The following PDLIM5 variants were observed in gnomAD, a reference collection of about 807,000 sequenced individuals.
The protein encoded by PDLIM5 is PDZ and LIM domain 5.
Under a neutral mutation model 64.2 loss-of-function variants are expected in PDLIM5, and 34 were observed. The observed-to-expected ratio is 0.53, with a 90% CI of 0.40 to 0.71. PDLIM5 has a LOEUF of 0.71. Ranked by LOEUF, PDLIM5 falls within the 30% of genes least tolerant of loss-of-function variation. The probability of loss-of-function intolerance (pLI) is 0.00; values close to 1 mark genes in which losing one functional copy is unlikely to be tolerated. For missense variants in PDLIM5, 683 were observed against 733.6 expected, an observed-to-expected ratio of 0.93 and a Z score of 0.80; for synonymous variants, 253 against 269.1, an observed-to-expected ratio of 0.94 and a Z score of 0.59.
intron 8 of PDLIM5, among the ~76,000 whole-genome samples, chr4:94,636,114 TA>T (rs1740537523): frequency 6.6e-6 from 1 of 152,210 alleles, no homozygotes; most frequent in African/African-American, 2.4e-5. Flanking sequence ...TCATGCTAAA[TA>T]AGTTAGTTCC....
At chr4:94,493,791 G>A (rs928965560) in intron 2 of PDLIM5, among the ~76,000 whole-genome samples, 1 of 152,120 alleles carries the variant, frequency 6.6e-6, no homozygotes, top group Non-Finnish European at 1.5e-5. Flanking sequence ...GAGCATTTAA[G>A]AGTCAGAAAA....
chr4:94,458,295 G>T (rs1422574628), intron 2 of PDLIM5, among the ~76,000 whole-genome samples: 1 of 152,052 alleles, frequency 6.6e-6, no homozygotes, highest in African/African-American at 2.4e-5. Flanking sequence ...AAACCTGAAA[G>T]CATGCTTAAA....
chr4:94,620,508 G>T (rs1578484355), intron 8 of PDLIM5, among the ~76,000 whole-genome samples: 1 of 151,906 alleles, frequency 6.6e-6, no homozygotes, highest in South Asian at 2.1e-4. Context: ...CTACACTCCA[G>T]CCTGGGCAAC....
At chr4:94,605,650 T>C (rs1737849293) in intron 7 of PDLIM5, among the ~76,000 whole-genome samples, 1 of 152,196 alleles carries the variant, frequency 6.6e-6, no homozygotes, top group South Asian at 2.1e-4. Flanking sequence ...GTCAGGTTTT[T>C]AGAGTTTGGC....
intron 2 of PDLIM5, chr4:94,457,119 C>A: frequency 2.2e-6 from 2 of 911,460 alleles, no homozygotes; most frequent in Non-Finnish European, 2.6e-6. Flanking sequence ...TATCCAACTT[C>A]ATTTTGAAAG....
rs760235753 is a variant in PDLIM5, at chr4:94,668,183, T to C, written c.*4116T>C. Reference sequence around the variant, plus strand: ...AATCAGTATAGTAATAATACCATAATGTGCACATACTCAATAAATAAATGA... The same window carrying C: ...AATCAGTATAGTAATAATACCATAACGTGCACATACTCAATAAATAAATGA... On this transcript the variant is annotated 3_prime_UTR_variant, in exon 13 of 13. Coordinates refer to ENST00000317968, the MANE Select transcript of PDLIM5 (RefSeq NM_006457.5). The C allele has an allele frequency of 7.9e-5, 12 of 152,184 alleles. No individual in the cohort carries two copies. Among genetic ancestry groups the C allele is most frequent in the Non-Finnish European group, 1.8e-4 (12 of 68,016 alleles). 9.4% of individuals were successfully genotyped at this position (152,184 alleles called of 1,614,324 possible). A position where few individuals can be genotyped will look rare whatever the true frequency, so the allele number is the denominator to read the frequency against.
chr4:94,488,697 T>A (rs573270655), intron 2 of PDLIM5, among the ~76,000 whole-genome samples: 1 of 152,340 alleles, frequency 6.6e-6, no homozygotes, highest in South Asian at 2.1e-4. Flanking sequence ...CACTTACACA[T>A]TTTAAAGTGT....
intron 2 of PDLIM5, among the ~76,000 whole-genome samples, chr4:94,505,301 C>T (rs1728292833): frequency 6.6e-6 from 1 of 152,102 alleles, no homozygotes; most frequent in African/African-American, 2.4e-5. Context: ...CTCCATCACC[C>T]AGGCTGGAGT....
At chr4:94,547,615 G>A (rs766110929) in intron 3 of PDLIM5, among the ~76,000 whole-genome samples, 17 of 152,232 alleles carry the variant, frequency 1.1e-4, no homozygotes, top group South Asian at 2.1e-4. Context: ...TGGGGATTAG[G>A]ACAGGGACAT....
chr4:94,575,793 A>G lies in PDLIM5; in HGVS notation c.469A>G (p.Thr157Ala). 6.2e-7 allele frequency: 1 copy of G among 1,613,740 alleles called. No homozygotes were observed. The highest frequency in any genetic ancestry group is 8.5e-7 in the Non-Finnish European group (1 of 1,179,900). ...SSAFTPAHAT[T>A]SSHASPSPVA... is the part of the protein sequence containing the mutation. ...TGCCTTCACCCCAGCCCATGCGACC[A>G]CCTCATCACATGCTTCCCCTTCACC... The change falls in exon 5 of 13, where the codon ACC becomes GCC. Residue 157 changes from threonine to alanine, a missense_variant. Thr to Ala is a moderately conservative substitution (Grantham distance 58, BLOSUM62 0). Transcript: ENST00000317968.
chr4:94,548,114 C>A (rs1466045904), intron 3 of PDLIM5, among the ~76,000 whole-genome samples: 1 of 152,128 alleles, frequency 6.6e-6, no homozygotes, highest in African/African-American at 2.4e-5. Context: ...TTTCTTGATG[C>A]CAACTGTACT....
chr4:94,499,949 C>G (rs948051966), intron 2 of PDLIM5, among the ~76,000 whole-genome samples: 1 of 152,166 alleles, frequency 6.6e-6, no homozygotes, highest in South Asian at 2.1e-4. Context: ...CTCCCCTCCC[C>G]CTGACCCACC....
intron 3 of PDLIM5, among the ~76,000 whole-genome samples, chr4:94,565,421 C>T (rs1734234106): frequency 1.3e-5 from 2 of 152,106 alleles, no homozygotes; most frequent in Admixed American, 6.5e-5. Context: ...GTATGCAGCC[C>T]CCTGTATCAT....
intron 2 of PDLIM5, among the ~76,000 whole-genome samples, chr4:94,503,325 C>G (rs1728097330): frequency 6.6e-6 from 1 of 152,164 alleles, no homozygotes; most frequent in South Asian, 2.1e-4. Flanking sequence ...TTTGAAATAA[C>G]TTTTTGGATA....
rs371627320 is a variant in PDLIM5, at chr4:94,628,010, T to C, written c.1108+9819T>C. 6.6e-5 allele frequency among the ~76,000 whole-genome samples: 10 copies of C among 152,362 alleles called. No individual in the cohort carries two copies. The South Asian group carries it at 2.1e-3, about 32-fold the overall frequency. ...GTAGTTGTTGAATGAGTGGATGTTTTATTTTTTAACTATGTAAGATCTTAT... is the reference window on the plus strand; with the variant it reads ...GTAGTTGTTGAATGAGTGGATGTTTCATTTTTTAACTATGTAAGATCTTAT... On this transcript the variant is annotated intron_variant, in intron 8 of 12. Coordinates refer to ENST00000317968, the MANE Select transcript of PDLIM5 (RefSeq NM_006457.5).
intron 8 of PDLIM5, among the ~76,000 whole-genome samples, chr4:94,633,311 T>C (rs891086629): frequency 2.0e-5 from 3 of 152,242 alleles, no homozygotes; most frequent in Non-Finnish European, 4.4e-5. Context: ...TAGCATCTTC[T>C]ATACCTAAGC....
chr4:94,664,256 G>A lies in PDLIM5; in HGVS notation c.*189G>A, dbSNP rs1046591939. On this transcript the variant is annotated 3_prime_UTR_variant, in exon 13 of 13. Transcript: ENST00000317968. ...CTTCATAAAGTAAAGAGACGGTTTGGCATTTATTATTACTTTTTCCTGTAT... is the reference window on the plus strand; with the variant it reads ...CTTCATAAAGTAAAGAGACGGTTTGACATTTATTATTACTTTTTCCTGTAT... The A allele has an allele frequency of 1.2e-5, 13 of 1,061,130 alleles. No individual in the cohort carries two copies. The highest frequency in any genetic ancestry group is 4.4e-5 in the Admixed American group (1 of 22,516). 65.7% of individuals were successfully genotyped at this position (1,061,130 alleles called of 1,614,324 possible).
intron 2 of PDLIM5, among the ~76,000 whole-genome samples, chr4:94,469,589 AGGTTCCT>A (rs1242442569): frequency 6.6e-6 from 1 of 151,940 alleles, no homozygotes; most frequent in Non-Finnish European, 1.5e-5. Context: ...AGAGATAAAG[AGGTTCCT>A]GGTAATGAGG....
intron 2 of PDLIM5, among the ~76,000 whole-genome samples, chr4:94,498,456 A>G (rs1270873707): frequency 6.6e-6 from 1 of 151,522 alleles, no homozygotes; most frequent in Admixed American, 6.6e-5. Context: ...GTTGACTCCT[A>G]GACTAGTTGA....
Sources: gnomAD v4.1 joint callset for allele counts (sites outside exome capture counted in the v4.1 genomes callset) on GRCh38, gnomAD v4.1.1 for gene constraint, MANE v1.5 for transcripts, NCBI Gene and HGNC (gene_info 2026-07-23, HGNC 2026-07-21) for gene names.